Variants in POLD2 observed in about 807,000 individuals in gnomAD.
POLD2 encodes DNA polymerase delta subunit 2.
Under a neutral mutation model 48.8 loss-of-function variants are expected in POLD2, and 31 were observed. That is an observed-to-expected ratio of 0.64 (90% confidence interval 0.48 to 0.86). The LOEUF is 0.86. Among genes scored for constraint, POLD2 ranks in the 40% least tolerant of loss-of-function variants. The probability of loss-of-function intolerance (pLI) is 0.00; values close to 1 mark genes in which losing one functional copy is unlikely to be tolerated. For missense variants in POLD2, 455 were observed against 610.1 expected (o/e 0.75, Z 2.68); for synonymous variants, 233 against 256.3 (o/e 0.91, Z 0.87).
intron 1 of POLD2, 126 bp from the exon 2 acceptor site, chr7:44,122,235 A>G (rs942500484): frequency 5.6e-6 from 8 of 1,426,232 alleles, no homozygotes; most frequent in Non-Finnish European, 7.3e-6. Context: ...GACACCAGAC[A>G]TTGTGTCCAC....
upstream of POLD2, among the ~76,000 whole-genome samples, chr7:44,123,952 T>G (rs1268830057): frequency 1.3e-5 from 2 of 152,230 alleles, no homozygotes; most frequent in African/African-American, 4.8e-5. Flanking sequence ...CCCGCAGAGC[T>G]GCCCACTTGT....
chr7:44,123,767 T>G, upstream of POLD2: 6 of 1,279,096 alleles, frequency 4.7e-6, no homozygotes, highest in Non-Finnish European at 6.0e-6. Context: ...CCGCGGGTCT[T>G]TGGTTGGCGG....
chr7:44,123,504 C>A lies in POLD2; in HGVS notation c.-57+7G>T, dbSNP rs1347600217. On this transcript the variant is annotated splice_region_variant and intron_variant, in intron 1 of 10. Transcript: ENST00000610533. The stretch of plus-strand genomic sequence containing the variant: ...CAGCTGACCCCGTTTCCCTGGACCC[C>A]ACTCACCGCGCGGCGCGCCGCATCC... The A allele has an allele frequency of 2.7e-6, 4 of 1,489,436 alleles. No individual in the cohort carries two copies. Among genetic ancestry groups the A allele is most frequent in the Non-Finnish European group, 3.5e-6 (4 of 1,127,396 alleles). The allele number at this position is 1,489,436 out of a possible 1,614,324, so 92.3% of individuals were successfully genotyped here.
chr7:44,121,885 G>A lies in POLD2; in HGVS notation c.169C>T (p.Arg57Cys), dbSNP rs770459450. Reference sequence around the variant, plus strand: ...AGGAAGGGTCTCATTTGGATGAGGCGGGTGGCATAAATGTGGGCATACTGC... The same window carrying A: ...AGGAAGGGTCTCATTTGGATGAGGCAGGTGGCATAAATGTGGGCATACTGC... ...SRQYAHIYATRLIQMRPFLEN... is the reference protein window; with the variant it reads ...SRQYAHIYATCLIQMRPFLEN... The change falls in exon 2 of 11, where the codon CGC becomes TGC. Residue 57 changes from arginine (R) to cysteine (C), a missense_variant. Coordinates refer to ENST00000610533, the MANE Select transcript of POLD2 (RefSeq NM_006230.4). The surrounding 1 kb of genome is among the most constrained non-coding windows in gnomAD (Gnocchi z 4.5). The A allele has an allele frequency of 1.1e-5, 18 of 1,613,474 alleles. No homozygotes were observed. The highest frequency in any genetic ancestry group is 4.4e-5 in the South Asian group (4 of 91,054).
At chr7:44,120,308 G>A (rs2096246533) in intron 2 of POLD2, among the ~76,000 whole-genome samples, 1 of 152,188 alleles carries the variant, frequency 6.6e-6, no homozygotes, top group Non-Finnish European at 1.5e-5. Flanking sequence ...AGAGAAATGT[G>A]CGACCAGAGG....
rs367702629 is a variant in POLD2 at position 44,117,221 on chromosome 7, C to A, written c.493G>T (p.Val165Leu). The stretch of plus-strand genomic sequence containing the variant: ...ACCAGAAACTTCCCGTCGTCTCTCA[C>A]GGAGCCAAACACAGCCAGGACAGTC... ...TGTVLAVFGSVRDDGKFLVED... is the reference protein window; with the variant it reads ...TGTVLAVFGSLRDDGKFLVED... The change falls in exon 5 of 11, where the codon GTG becomes TTG. Residue 165 changes from valine (V) to leucine (L), a missense_variant. By Grantham distance (32) the Val-to-Leu change is conservative (BLOSUM62 1). This residue lies in a region of POLD2 where 349 missense variants were observed against 437.4 expected (regional missense o/e 0.80). Transcript: ENST00000610533. 8.0e-5 allele frequency: 129 copies of A among 1,613,776 alleles called. No individual in the cohort carries two copies. Among genetic ancestry groups the A allele is most frequent in the Non-Finnish European group, 8.1e-5 (95 of 1,179,864 alleles).
intron 1 of POLD2, 36 bp from the exon 2 acceptor site, chr7:44,122,145 C>A: frequency 6.6e-7 from 1 of 1,517,790 alleles, no homozygotes; most frequent in Non-Finnish European, 8.9e-7. Context: ...CTGCCCCTGT[C>A]CATCCCCCAA....
At chr7:44,119,260 A>T (rs2096245128) in intron 2 of POLD2, among the ~76,000 whole-genome samples, 1 of 152,114 alleles carries the variant, frequency 6.6e-6, no homozygotes, top group South Asian at 2.1e-4. Context: ...AGGGAGGAAT[A>T]CAGGTGCCCA....
chr7:44,115,965 C>T (rs918695145), intron 8 of POLD2, 72 bp from the exon 9 acceptor site: 9 of 1,606,884 alleles, frequency 5.6e-6, no homozygotes, highest in African/African-American at 4.0e-5. Context: ...GCTCATCTGG[C>T]GCTCTTGTGG....
At position 44,116,725 on chromosome 7, in the gene POLD2, C is replaced by A. The variant is rs1168061682; in HGVS notation, c.780+92G>T. 4 of 1,429,062 alleles carry A rather than the reference C, an allele frequency of 2.8e-6. No individual in the cohort carries two copies. The highest frequency in any genetic ancestry group is 3.9e-6 in the Non-Finnish European group (4 of 1,028,744). 88.5% of individuals were successfully genotyped at this position (1,429,062 alleles called of 1,614,324 possible). On this transcript the variant is annotated intron_variant, in intron 6 of 10. Coordinates refer to ENST00000610533, the MANE Select transcript of POLD2 (RefSeq NM_006230.4). This position sits in a 1 kb window ranked among gnomAD's most constrained non-coding sequence, Gnocchi z 6.1. ...CGCTTCCCACCGACCTGCGAGACCT[C>A]ACAGGGTACCCTACTCGCCCTGGGG...
At position 44,117,222 on chromosome 7, in the gene POLD2, G is replaced by A. The variant is rs3087364; in HGVS notation, c.492C>T (p.Ser164=). The part of the protein sequence containing the change: ...VTGTVLAVFG[S]VRDDGKFLVE... ...CCAGAAACTTCCCGTCGTCTCTCACGGAGCCAAACACAGCCAGGACAGTCC... is the reference window on the plus strand; with the variant it reads ...CCAGAAACTTCCCGTCGTCTCTCACAGAGCCAAACACAGCCAGGACAGTCC... Residue 164 remains serine (S), a synonymous_variant, in exon 5 of 11, where the codon TCC becomes TCT. Transcript: ENST00000610533. The A allele has an allele frequency of 1.3e-3, 2,095 of 1,613,882 alleles. 21 individuals are homozygous for A. The African/African-American group carries it at 0.021, about 16-fold the overall frequency.
chr7:44,118,086 C>T (rs1351177498), intron 2 of POLD2, 22 bp from the exon 3 acceptor site: 7 of 1,612,926 alleles, frequency 4.3e-6, no homozygotes, highest in Non-Finnish European at 5.1e-6. Context: ...GGGGTACAGA[C>T]TCAGAGATGA....
rs759046358 is a variant in POLD2, at chr7:44,116,956, C to G, written c.641G>C (p.Gly214Ala). ...CACCACATCCACCAGCAGCTGGGTG[C>G]CCAGCAGGCTCTCGCCTCCACCGCC... Reference protein sequence around the residue: ...LGGGGGESLLGTQLLVDVVTG... With the variant: ...LGGGGGESLLATQLLVDVVTG... The change falls in exon 6 of 11, where the codon GGC (glycine) becomes GCC (alanine). Residue 214 changes from glycine (G) to alanine (A), a missense_variant. Coordinates refer to ENST00000610533, the MANE Select transcript of POLD2 (RefSeq NM_006230.4). The surrounding 1 kb of genome is among the most constrained non-coding windows in gnomAD (Gnocchi z 6.1). 2.5e-6 allele frequency: 4 copies of G among 1,613,652 alleles called. No homozygotes were observed. The Admixed American group carries it at 6.7e-5, about 27-fold the overall frequency.
Position 44,115,749 on chromosome 7 carries a change from A to G in POLD2, c.1147+17T>C. On this transcript the variant is annotated intron_variant, in intron 9 of 10. Transcript: ENST00000610533. Reference sequence around the variant, plus strand: ...TCCTGGCCCTCTGCTCCCACCCTGTATGGCTGAGCCTGTTACCTAGAGTGT... The same window carrying G: ...TCCTGGCCCTCTGCTCCCACCCTGTGTGGCTGAGCCTGTTACCTAGAGTGT... 6.2e-7 allele frequency: 1 copy of G among 1,611,646 alleles called. No individual in the cohort carries two copies. The highest frequency in any genetic ancestry group is 8.5e-7 in the Non-Finnish European group (1 of 1,179,204).
chr7:44,119,854 AACAAAT>A (rs2096245919), intron 2 of POLD2, among the ~76,000 whole-genome samples: 1 of 152,252 alleles, frequency 6.6e-6, no homozygotes, highest in East Asian at 1.9e-4. Flanking sequence ...AAGTGCTGTG[AACAAAT>A]GGTGAGCTGA....
In POLD2 at chr7:44,117,161, T is replaced by G. The variant is rs764907925; in HGVS notation, c.553A>C (p.Lys185Gln). ...DYCFADLAPQ[K>Q]PAPPLDTDRF... ...TCTGTGTCAAGTGGGGGTGCGGGCTTCTGGGGAGCAAGGTCAGCAAAGCAA... is the reference window on the plus strand; with the variant it reads ...TCTGTGTCAAGTGGGGGTGCGGGCTGCTGGGGAGCAAGGTCAGCAAAGCAA... The change falls in exon 5 of 11, where the codon AAG becomes CAG. Residue 185 changes from lysine (K) to glutamine (Q), a missense_variant. By Grantham distance (53) the Lys-to-Gln change is moderately conservative. Around this residue, in one of 3 missense-constraint regions of POLD2, gnomAD observed 349 missense variants for 437.4 expected, o/e 0.80. Transcript: ENST00000610533. 6 of 1,614,040 alleles carry G rather than the reference T, an allele frequency of 3.7e-6. No homozygotes were observed. The Admixed American group carries it at 1.0e-4, about 27-fold the overall frequency.
At chr7:44,115,167 A>C in intron 10 of POLD2, 128 bp downstream of exon 10, 1 of 784,626 alleles carries the variant, frequency 1.3e-6, no homozygotes, top group Non-Finnish European at 2.2e-6. Context: ...GCTGTGCAGA[A>C]GACCTCAGCT....
rs532468302 is a variant in POLD2, at chr7:44,115,974, G to A, written c.1020-81C>T. On this transcript the variant is annotated intron_variant, in intron 8 of 10. Coordinates refer to ENST00000610533, the MANE Select transcript of POLD2 (RefSeq NM_006230.4). ...CCCAGAGCTCATCTGGCGCTCTTGT[G>A]GGGATGCCCCAGAGAGAAGGAACAG... The A allele has an allele frequency of 2.8e-4, 450 of 1,604,914 alleles. 1 individual carries two copies. The African/African-American group carries it at 5.4e-3, about 19-fold the overall frequency.
upstream of POLD2, among the ~76,000 whole-genome samples, chr7:44,123,854 C>T (rs1415070971): frequency 1.3e-5 from 2 of 152,224 alleles, no homozygotes; most frequent in Non-Finnish European, 2.9e-5. Flanking sequence ...CAGGCCCTGC[C>T]CAAACCTCCC....
Sources: allele counts gnomAD v4.1 joint callset (sites outside exome capture counted in the v4.1 genomes callset), GRCh38; gene constraint gnomAD v4.1.1; regional missense constraint gnomAD v4.1.1; non-coding constraint Gnocchi (gnomAD v3.1); transcripts MANE v1.5; gene names NCBI Gene and HGNC (gene_info 2026-07-23, HGNC 2026-07-21).